The following TACR3 variants were observed in gnomAD, a reference collection of about 807,000 sequenced individuals.
The protein encoded by TACR3 is neuromedin-K receptor.
In TACR3, 34 loss-of-function variants were observed where a neutral mutation model predicts 35.0. The ratio of observed to expected loss-of-function variants is 0.97; its 90% CI spans 0.74 to 1.30. The LOEUF (loss-of-function observed/expected upper bound fraction) is 1.30, where lower values mean the gene tolerates loss of function less well. TACR3 is among the 50% of genes most tolerant of loss of function. The probability of loss-of-function intolerance (pLI) is 0.00; values close to 1 mark genes in which losing one functional copy is unlikely to be tolerated. For synonymous variants in TACR3, 233 were observed against 221.1 expected, an observed-to-expected ratio of 1.05 and a Z score of -0.48; for missense variants, 558 against 591.7, an observed-to-expected ratio of 0.94 and a Z score of 0.59.
chr4:103,685,611 G>C (rs6828333), intron 1 of TACR3, among the ~76,000 whole-genome samples: 7,889 of 152,090 alleles, frequency 0.052, 719 homozygotes, highest in African/African-American at 0.18. Context: ...TCACATACCT[G>C]ACAAAGTACT....
At chr4:103,713,617 A>G (rs1426966715) in intron 1 of TACR3, among the ~76,000 whole-genome samples, 1 of 149,916 alleles carries the variant, frequency 6.7e-6, no homozygotes, top group African/African-American at 2.5e-5. Context: ...AACTTAAAGT[A>G]TAATAATAAT....
chr4:103,682,169 C>G (rs1327650842), intron 1 of TACR3, among the ~76,000 whole-genome samples: 2 of 152,102 alleles, frequency 1.3e-5, no homozygotes, highest in Admixed American at 1.3e-4. Context: ...ATCTTTCTCT[C>G]TTGGCCAGGC....
intron 3 of TACR3, among the ~76,000 whole-genome samples, chr4:103,602,200 C>A (rs559783589): frequency 1.3e-5 from 2 of 152,292 alleles, no homozygotes; most frequent in South Asian, 4.1e-4. Flanking sequence ...CTTCTGCATT[C>A]GTCACGTAGC....
chr4:103,611,754 ATTC>A (rs1193654306), intron 3 of TACR3, among the ~76,000 whole-genome samples: 3 of 152,108 alleles, frequency 2.0e-5, no homozygotes, highest in Non-Finnish European at 4.4e-5. Flanking sequence ...TAAAAGCTAC[ATTC>A]TTCTTGTGAA....
At chr4:103,711,064 C>A (rs1722944354) in intron 1 of TACR3, among the ~76,000 whole-genome samples, 1 of 152,104 alleles carries the variant, frequency 6.6e-6, no homozygotes, top group African/African-American at 2.4e-5. Context: ...ACCAGAGGTA[C>A]AAGGAGGAGC....
intron 3 of TACR3, among the ~76,000 whole-genome samples, chr4:103,631,916 A>T (rs1476790652): frequency 1.3e-5 from 2 of 152,198 alleles, no homozygotes; most frequent in Non-Finnish European, 2.9e-5. Context: ...TATCATTTCA[A>T]TTCAACCTAT....
At chr4:103,662,202 T>C in intron 1 of TACR3, among the ~76,000 whole-genome samples, 1 of 149,354 alleles carries the variant, frequency 6.7e-6, no homozygotes, top group Admixed American at 6.7e-5. Context: ...TGTGAAAAAC[T>C]CCTATGTTGA....
At chr4:103,690,416 C>G (rs1347395152) in intron 1 of TACR3, among the ~76,000 whole-genome samples, 3 of 152,032 alleles carry the variant, frequency 2.0e-5, no homozygotes, top group Non-Finnish European at 4.4e-5. Context: ...TAGAGACAAA[C>G]TAGGAACTCA....
chr4:103,665,145 G>C (rs1300689138), intron 1 of TACR3, among the ~76,000 whole-genome samples: 1 of 151,740 alleles, frequency 6.6e-6, no homozygotes, highest in Non-Finnish European at 1.5e-5. Context: ...AAGAATAAAT[G>C]AATCATTTAG....
chr4:103,605,996 T>A (rs1317659494), intron 3 of TACR3, among the ~76,000 whole-genome samples: 1 of 151,940 alleles, frequency 6.6e-6, no homozygotes, highest in Admixed American at 6.6e-5. Flanking sequence ...TGAATTAATT[T>A]TTGTATAAGG....
intron 3 of TACR3, among the ~76,000 whole-genome samples, chr4:103,612,047 A>T (rs968305358): frequency 2.6e-5 from 4 of 152,198 alleles, no homozygotes; most frequent in Non-Finnish European, 5.9e-5. Flanking sequence ...GTAACTTTTT[A>T]AAAAATGTAA....
intron 3 of TACR3, among the ~76,000 whole-genome samples, chr4:103,616,695 T>C (rs6814419): frequency 0.58 from 87,969 of 152,004 alleles, 26,673 homozygotes; most frequent in African/African-American, 0.75. Flanking sequence ...GCCTGTAATT[T>C]CAGACCTTCG....
Position 103,589,768 on chromosome 4 carries a change from C to T in TACR3, c.1312G>A (p.Gly438Ser), listed in dbSNP as rs1308179178. ...RATPRDPSFN[G>S]CSRRNSKSAS... is the part of the protein sequence containing the mutation. ...GATTTGGAATTCCTGCGAGAGCAGC[C>T]ATTGAAACTTGGGTCTCTTGGCGTT... is the stretch of plus-strand genomic sequence containing the variant. Residue 438 changes from glycine to serine, a missense_variant, in exon 5 of 5, where the codon GGC becomes AGC. Gly to Ser is a moderately conservative substitution (Grantham distance 56). Coordinates refer to ENST00000304883, the MANE Select transcript of TACR3 (RefSeq NM_001059.3). 2 of 1,613,864 alleles carry T rather than the reference C, an allele frequency of 1.2e-6. No individual in the cohort carries two copies. Among genetic ancestry groups the T allele is most frequent in the Non-Finnish European group, 1.7e-6 (2 of 1,179,914 alleles).
intron 3 of TACR3, among the ~76,000 whole-genome samples, chr4:103,598,948 G>T (rs1724115903): frequency 6.6e-6 from 1 of 152,020 alleles, no homozygotes; most frequent in Non-Finnish European, 1.5e-5. Context: ...CTCTTTTTTG[G>T]TTCCATATGA....
chr4:103,650,492 T>C (rs1725566658), intron 3 of TACR3, among the ~76,000 whole-genome samples: 1 of 132,978 alleles, frequency 7.5e-6, no homozygotes, highest in Non-Finnish European at 1.6e-5. Flanking sequence ...TATAAATATG[T>C]ATTATTTATA....
chr4:103,666,852 G>A (rs1435417566), intron 1 of TACR3, among the ~76,000 whole-genome samples: 1 of 152,140 alleles, frequency 6.6e-6, no homozygotes, highest in Non-Finnish European at 1.5e-5. Context: ...TTGAAGTCCA[G>A]TTTACTGACA....
chr4:103,702,084 A>G (rs1722664400), intron 1 of TACR3, among the ~76,000 whole-genome samples: 1 of 152,202 alleles, frequency 6.6e-6, no homozygotes, highest in Admixed American at 6.5e-5. Context: ...TCAGCACAGC[A>G]AAAGAAACTA....
chr4:103,641,201 C>G (rs1725349148), intron 3 of TACR3, among the ~76,000 whole-genome samples: 1 of 151,846 alleles, frequency 6.6e-6, no homozygotes, highest in African/African-American at 2.4e-5. Flanking sequence ...TTGTTAATAT[C>G]AATTTATTGT....
In TACR3 at chr4:103,596,856, G is replaced by C. The variant is rs191678193; in HGVS notation, c.889-5173C>G. Among the ~76,000 whole-genome samples the C allele has an allele frequency of 1.5e-3, 233 of 151,746 alleles. 5 individuals are homozygous for C. Among genetic ancestry groups the C allele is most frequent in the Admixed American group, 0.015 (233 of 15,194 alleles). ...CCTGTGAGTGAGAACATGCAGTTTG[G>C]TTTTTTGTCCTTGCGATAGTTTGCT... On this transcript the variant is annotated intron_variant, in intron 3 of 4. Coordinates refer to ENST00000304883, the MANE Select transcript of TACR3 (RefSeq NM_001059.3).
Sources: allele counts gnomAD v4.1 joint callset (sites outside exome capture counted in the v4.1 genomes callset), GRCh38; gene constraint gnomAD v4.1.1; transcripts MANE v1.5; gene names NCBI Gene and HGNC (gene_info 2026-07-23, HGNC 2026-07-21).